Variants in IBTK observed in about 807,000 individuals in gnomAD.
The protein encoded by IBTK is BTK-binding protein.
A neutral mutation model predicts 154.9 loss-of-function variants in IBTK; 83 were observed. The observed-to-expected ratio is 0.54, with a 90% CI of 0.45 to 0.64. The LOEUF (loss-of-function observed/expected upper bound fraction) is 0.64. Ranked by LOEUF, IBTK falls within the 30% of genes least tolerant of loss-of-function variation. IBTK has a pLI of 0.00. For missense variants in IBTK, 1,332 were observed against 1,584.6 expected, an observed-to-expected ratio of 0.84 and a Z score of 2.71; for synonymous variants, 515 against 536.1, an observed-to-expected ratio of 0.96 and a Z score of 0.54.
At chr6:82,236,838 T>TA (rs1412393226) in intron 2 of IBTK, among the ~76,000 whole-genome samples, 2 of 151,886 alleles carry the variant, frequency 1.3e-5, no homozygotes, top group African/African-American at 4.8e-5. Flanking sequence ...AAGGTCAAAG[T>TA]AAAAAAATAT....
Position 82,246,939 on chromosome 6 carries a change from G to T in IBTK, c.-358+623C>A, listed in dbSNP as rs568448222. 3.1e-4 allele frequency among the ~76,000 whole-genome samples: 47 copies of T among 152,214 alleles called. 1 individual carries two copies. Among genetic ancestry groups the T allele is most frequent in the African/African-American group, 1.1e-3 (46 of 41,494 alleles). ...AACACAGTCAAGTTTTATGAACTAC[G>T]TTGGAAAACAGGAGTCAAGGACGGC... On this transcript the variant is annotated intron_variant, in intron 1 of 28. Coordinates refer to ENST00000306270, the MANE Select transcript of IBTK (RefSeq NM_015525.4).
intron 25 of IBTK, among the ~76,000 whole-genome samples, chr6:82,184,324 C>A (rs1370735449): frequency 1.3e-5 from 2 of 152,134 alleles, no homozygotes; most frequent in African/African-American, 4.8e-5. Flanking sequence ...TGTAATTTTA[C>A]TCTAAATAAT....
intron 19 of IBTK, 64 bp from the exon 20 acceptor site, chr6:82,200,772 T>C (rs1230663366): frequency 4.1e-6 from 6 of 1,470,162 alleles, no homozygotes; most frequent in Non-Finnish European, 5.4e-6. Context: ...TTTTTTTTTT[T>C]TTTTTTTTTG....
chr6:82,197,669 C>A (rs1769052365), intron 21 of IBTK, among the ~76,000 whole-genome samples: 2 of 152,148 alleles, frequency 1.3e-5, no homozygotes, highest in South Asian at 4.1e-4. Flanking sequence ...CTGCGTCTTG[C>A]CTCTTTTTGA....
In IBTK at chr6:82,191,886, G is replaced by C. The variant is rs778637025; in HGVS notation, c.3339-7C>G. On this transcript the variant is annotated splice_region_variant and splice_polypyrimidine_tract_variant and intron_variant, in intron 23 of 28. Transcript: ENST00000306270. ...AACAGGAGGGCTGACAGGACTAAAA[G>C]ACATAAAAGGTTACTTTGCAAAGCA... 9 of 1,561,484 alleles carry C rather than the reference G, an allele frequency of 5.8e-6. No homozygotes were observed. The highest frequency in any genetic ancestry group is 2.7e-5 in the African/African-American group (2 of 73,282).
chr6:82,220,937 T>TATACACACACACAC (rs561940085), intron 8 of IBTK, among the ~76,000 whole-genome samples: 6 of 130,090 alleles, frequency 4.6e-5, no homozygotes, highest in African/African-American at 1.8e-4. Context: ...TGACTTTACC[T>TATACACACACACAC]ACACACACAC....
chr6:82,179,571 G>A (rs1234927100), intron 26 of IBTK, among the ~76,000 whole-genome samples: 1 of 152,160 alleles, frequency 6.6e-6, no homozygotes, highest in Non-Finnish European at 1.5e-5. Flanking sequence ...ACCAGTAATT[G>A]AACTTCAAGT....
rs559073568 is a variant in IBTK, at chr6:82,176,816, A to G, written c.3726-3378T>C. 5.9e-5 allele frequency among the ~76,000 whole-genome samples: 9 copies of G among 151,936 alleles called. No individual in the cohort carries two copies. The South Asian group carries it at 1.9e-3, about 32-fold the overall frequency. ...ATGAGTCCCCCACCCCTGGCACCCT[A>G]ACTCCCCAAAGGACCATAAGCATTC... On this transcript the variant is annotated intron_variant, in intron 26 of 28. Coordinates refer to ENST00000306270, the MANE Select transcript of IBTK (RefSeq NM_015525.4).
At chr6:82,245,310 A>G (rs1361935405) in intron 1 of IBTK, among the ~76,000 whole-genome samples, 1 of 152,134 alleles carries the variant, frequency 6.6e-6, no homozygotes, top group African/African-American at 2.4e-5. Context: ...TGTAGTCCCA[A>G]CACTTTGTTA....
rs1322708631 is a variant in IBTK at position 82,225,637 on chromosome 6, A to G, written c.665T>C (p.Leu222Pro). Residue 222 changes from leucine to proline, a missense_variant, in exon 6 of 29, where the codon CTT becomes CCT. Around this residue, in one of 3 missense-constraint regions of IBTK, gnomAD observed 114 missense variants for 213.7 expected, o/e 0.53. Transcript: ENST00000306270. ...ATTATGACCATTCAGTCCTTCCACA[A>G]GCCGAGGGACCTACAAAATAAAATT... Reference protein sequence around the residue: ...GDEQTCLVPRLVEGLNGHNCS... With the variant: ...GDEQTCLVPRPVEGLNGHNCS... The G allele has an allele frequency of 6.2e-7, 1 of 1,608,080 alleles. No individual in the cohort carries two copies. The highest frequency in any genetic ancestry group is 8.5e-7 in the Non-Finnish European group (1 of 1,178,310).
At chr6:82,171,641 G>A in intron 28 of IBTK, 85 bp from the exon 29 acceptor site, 1 of 1,168,636 alleles carries the variant, frequency 8.6e-7, no homozygotes, top group Non-Finnish European at 1.2e-6. Flanking sequence ...TTCCTTTTGA[G>A]GAACTATCAC....
In IBTK at chr6:82,198,255, A is replaced by G. The variant is rs558711890; in HGVS notation, c.3026-1809T>C. 2.0e-5 allele frequency among the ~76,000 whole-genome samples: 3 copies of G among 152,284 alleles called. No individual in the cohort carries two copies. The East Asian group carries it at 5.8e-4, about 29-fold the overall frequency. On this transcript the variant is annotated intron_variant, in intron 21 of 28. Transcript: ENST00000306270. ...AGGTGACTGGAAAGTCATTACTTTC[A>G]AGACTGTCTATCCATTATTCATCCT...
In IBTK at chr6:82,204,919, AC is replaced by A; in HGVS notation, c.2548del (p.Val850TrpfsTer7). The A allele has an allele frequency of 6.2e-7, 1 of 1,607,338 alleles. No homozygotes were observed. Among genetic ancestry groups the A allele is most frequent in the Non-Finnish European group, 8.5e-7 (1 of 1,176,368 alleles). On this transcript the variant is annotated frameshift_variant, in exon 17 of 29. Coordinates refer to ENST00000306270, the MANE Select transcript of IBTK (RefSeq NM_015525.4). LOFTEE classifies it high-confidence loss of function. ...NVDFICSVLV[V>X]ADQLLITRLK... ...CCGGGTTATGAGAAGTTGATCAGCC[AC>A]CACAAGAACACTACAAATAAAATCT...
chr6:82,194,312 G>A (rs1768898497), intron 23 of IBTK, among the ~76,000 whole-genome samples, 167 bp downstream of exon 23: 1 of 152,104 alleles, frequency 6.6e-6, no homozygotes, highest in South Asian at 2.1e-4. Context: ...GGTTGGGGGG[G>A]AAGCCTATTA....
intron 20 of IBTK, 31 bp from the exon 21 acceptor site, chr6:82,200,284 G>A (rs1238148928): frequency 2.1e-6 from 3 of 1,437,472 alleles, no homozygotes; most frequent in Non-Finnish European, 2.9e-6. Flanking sequence ...TTTCAGCAGT[G>A]TTTAGGGAGG....
At chr6:82,238,723 G>A (rs1015891790) in intron 2 of IBTK, among the ~76,000 whole-genome samples, 14 of 151,940 alleles carry the variant, frequency 9.2e-5, no homozygotes, top group Non-Finnish European at 1.5e-4. Flanking sequence ...TTACAGGCGT[G>A]AGCCACCGCG....
chr6:82,234,058 C>A, intron 3 of IBTK, 101 bp downstream of exon 3: 1 of 441,086 alleles, frequency 2.3e-6, no homozygotes, highest in Non-Finnish European at 4.2e-6. Context: ...CCAGTATTCT[C>A]GAACTCCTGA....
rs184342589 is a variant in IBTK at position 82,245,601 on chromosome 6, T to C, written c.-358+1961A>G. Among the ~76,000 whole-genome samples the C allele has an allele frequency of 2.3e-3, 353 of 150,728 alleles. 2 individuals are homozygous for C. Among genetic ancestry groups the C allele is most frequent in the African/African-American group, 7.5e-3 (309 of 41,084 alleles). The stretch of plus-strand genomic sequence containing the variant: ...ATGTGTTGGCCTGATAAATTCTGGG[T>C]GAGAGCACATTTGAAGCAGAAGGGA... On this transcript the variant is annotated intron_variant, in intron 1 of 28. Coordinates refer to ENST00000306270, the MANE Select transcript of IBTK (RefSeq NM_015525.4).
intron 5 of IBTK, among the ~76,000 whole-genome samples, chr6:82,226,430 A>G (rs777428607): frequency 2.0e-5 from 3 of 152,178 alleles, no homozygotes; most frequent in Non-Finnish European, 4.4e-5. Flanking sequence ...TAGGTAATGT[A>G]CTAGGTCTCT....
Sources: allele counts gnomAD v4.1 joint callset (sites outside exome capture counted in the v4.1 genomes callset), GRCh38; gene constraint gnomAD v4.1.1; regional missense constraint gnomAD v4.1.1; transcripts MANE v1.5; gene names NCBI Gene and HGNC (gene_info 2026-07-23, HGNC 2026-07-21).